PLPP4: variants seen among roughly 807,000 people sequenced by gnomAD.
PLPP4 encodes the protein diacylglycerol pyrophosphate like 2.
PLPP4 carries 20 observed loss-of-function variants against 32.2 expected under a neutral mutation model. The observed-to-expected ratio is 0.62, with a 90% CI of 0.44 to 0.90. The LOEUF (loss-of-function observed/expected upper bound fraction) is 0.90. PLPP4 is among the 40% of genes least tolerant of loss of function. The pLI is 0.00. For synonymous variants in PLPP4, 127 were observed against 133.0 expected, an observed-to-expected ratio of 0.95 and a Z score of 0.31; for missense variants, 257 against 353.1, an observed-to-expected ratio of 0.73 and a Z score of 2.18.
At chr10:120,534,522 G>A (rs10886707) in intron 5 of PLPP4, among the ~76,000 whole-genome samples, 73,301 of 151,732 alleles carry the variant, frequency 0.48, 17,712 homozygotes, top group Middle Eastern at 0.57. Context: ...ATTTCTTTGC[G>A]TATTTTTTTT....
At chr10:120,502,833 C>A (rs1370327748) in intron 1 of PLPP4, among the ~76,000 whole-genome samples, 1 of 152,184 alleles carries the variant, frequency 6.6e-6, no homozygotes, top group Admixed American at 6.5e-5. Context: ...ACCAAGACAG[C>A]TGGCCACCTT....
In PLPP4 at chr10:120,590,157, G is replaced by T. The variant is rs1849950113; in HGVS notation, c.*655G>T. Among the ~76,000 whole-genome samples, 1 of 152,230 alleles carries T rather than the reference G, an allele frequency of 6.6e-6. No individual in the cohort carries two copies. Among genetic ancestry groups the T allele is most frequent in the African/African-American group, 2.4e-5 (1 of 41,456 alleles). ...AAGATGCATGAGTGCATGTGTGGGG[G>T]ATGAGGTCACAGCAGTTGCCTGAGG... On this transcript the variant is annotated 3_prime_UTR_variant, in exon 7 of 7. Coordinates refer to ENST00000398250, the MANE Select transcript of PLPP4 (RefSeq NM_001030059.3).
At chr10:120,542,989 TAGA>T (rs1432208692) in intron 5 of PLPP4, among the ~76,000 whole-genome samples, 2 of 152,266 alleles carry the variant, frequency 1.3e-5, no homozygotes, top group Admixed American at 1.3e-4. Context: ...CATGTGCATG[TAGA>T]AGGAGATTAT....
intron 5 of PLPP4, among the ~76,000 whole-genome samples, chr10:120,531,905 T>C (rs2133938489): frequency 6.6e-6 from 1 of 151,988 alleles, no homozygotes; most frequent in African/African-American, 2.4e-5. Flanking sequence ...CATATATATA[T>C]ATATACACAC....
chr10:120,457,219 C>T, upstream of PLPP4: 1 of 1,136,980 alleles, frequency 8.8e-7, no homozygotes, highest in Non-Finnish European at 1.1e-6. Context: ...TCCCTCGCCT[C>T]CCAGGGTCTG....
At chr10:120,476,924 A>G (rs1328617192) in intron 1 of PLPP4, among the ~76,000 whole-genome samples, 1 of 152,070 alleles carries the variant, frequency 6.6e-6, no homozygotes, top group Admixed American at 6.5e-5. Context: ...TCTTTAGAGC[A>G]CTGTGTTTTT....
At chr10:120,536,216 ACAGAAGACCC>A (rs1189215717) in intron 5 of PLPP4, among the ~76,000 whole-genome samples, 1 of 152,132 alleles carries the variant, frequency 6.6e-6, no homozygotes, top group Non-Finnish European at 1.5e-5. Flanking sequence ...GCATGAAAAG[ACAGAAGACCC>A]CAGATAGGTA....
chr10:120,563,806 C>CAAAAAAAAA (rs139746974), intron 5 of PLPP4, among the ~76,000 whole-genome samples: 1 of 86,462 alleles, frequency 1.2e-5, no homozygotes, highest in Non-Finnish European at 2.1e-5. Flanking sequence ...GACTCCGTCT[C>CAAAAAAAAA]AAAAAAAAAA....
chr10:120,512,602 T>C (rs1345924884), intron 2 of PLPP4, among the ~76,000 whole-genome samples: 1 of 152,060 alleles, frequency 6.6e-6, no homozygotes, highest in African/African-American at 2.4e-5. Flanking sequence ...GAATTCTGTT[T>C]TTATAAAAGA....
At chr10:120,532,158 G>A (rs752964681) in intron 5 of PLPP4, among the ~76,000 whole-genome samples, 1 of 152,012 alleles carries the variant, frequency 6.6e-6, no homozygotes, top group African/African-American at 2.4e-5. Context: ...GGGAACATGC[G>A]GTGTTTGGTT....
intron 6 of PLPP4, chr10:120,587,638 T>C (rs1204186006): frequency 2.6e-5 from 4 of 152,206 alleles, no homozygotes; most frequent in Non-Finnish European, 5.9e-5. Context: ...TCAAAAATTA[T>C]CCCGTTAGAT....
intron 2 of PLPP4, among the ~76,000 whole-genome samples, chr10:120,504,716 G>A (rs1257097335): frequency 1.3e-5 from 2 of 152,246 alleles, no homozygotes; most frequent in African/African-American, 4.8e-5. Context: ...GCTATGCTGA[G>A]TTACAGTAAA....
At chr10:120,516,305 G>A (rs997999772) in intron 3 of PLPP4, among the ~76,000 whole-genome samples, 3 of 152,206 alleles carry the variant, frequency 2.0e-5, no homozygotes, top group African/African-American at 7.2e-5. Context: ...GTCTTCAGCA[G>A]ACTTTAACCC....
intron 5 of PLPP4, among the ~76,000 whole-genome samples, chr10:120,573,606 C>T (rs1304486723): frequency 1.3e-5 from 2 of 152,182 alleles, no homozygotes; most frequent in Non-Finnish European, 2.9e-5. Context: ...GTTATCTATT[C>T]TTCTGTACTG....
intron 5 of PLPP4, among the ~76,000 whole-genome samples, chr10:120,541,787 T>TG (rs1354216095): frequency 6.6e-6 from 1 of 151,516 alleles, no homozygotes; most frequent in Non-Finnish European, 1.5e-5. Flanking sequence ...ATTCTTTTTT[T>TG]TTTTTGAGAT....
chr10:120,569,930 T>A (rs113290140), intron 5 of PLPP4, among the ~76,000 whole-genome samples: 31 of 152,300 alleles, frequency 2.0e-4, no homozygotes, highest in African/African-American at 7.5e-4. Context: ...ACTGCAATAA[T>A]GCTAAGAACA....
At chr10:120,567,046 C>T (rs1250395445) in intron 5 of PLPP4, among the ~76,000 whole-genome samples, 1 of 149,516 alleles carries the variant, frequency 6.7e-6, no homozygotes, top group African/African-American at 2.5e-5. Flanking sequence ...TGTCCTTGCA[C>T]CCTAGGTTTT....
intron 5 of PLPP4, among the ~76,000 whole-genome samples, chr10:120,573,585 G>T (rs1045113387): frequency 2.0e-4 from 30 of 152,194 alleles, no homozygotes; most frequent in African/African-American, 6.5e-4. Flanking sequence ...ACAAGGAAAT[G>T]TCACAGCTTG....
chr10:120,505,024 C>T (rs1284558704), intron 2 of PLPP4, among the ~76,000 whole-genome samples: 3 of 152,232 alleles, frequency 2.0e-5, no homozygotes. Context: ...CAGTTGTAAC[C>T]TTTTACATTT....
Sources: allele counts gnomAD v4.1 joint callset (sites outside exome capture counted in the v4.1 genomes callset), GRCh38; gene constraint gnomAD v4.1.1; transcripts MANE v1.5; gene names NCBI Gene and HGNC (gene_info 2026-07-23, HGNC 2026-07-21).